DIDO1: variants seen among roughly 807,000 people sequenced by gnomAD.
The protein encoded by DIDO1 is death inducer-obliterator 1, also known as death-inducer obliterator 1.
A neutral mutation model predicts 99.4 loss-of-function variants in DIDO1; 16 were observed. The observed-to-expected ratio is 0.16, with a 90% CI of 0.11 to 0.24. The LOEUF (loss-of-function observed/expected upper bound fraction) is 0.24. Ranked by LOEUF, DIDO1 falls within the 10% of genes least tolerant of loss-of-function variation. The pLI, the probability that DIDO1 is intolerant of heterozygous loss-of-function variation, is 1.00. For synonymous variants in DIDO1, 1,366 were observed against 1,239.1 expected, an observed-to-expected ratio of 1.10 and a Z score of -2.15; for missense variants, 2,996 against 3,014.0, an observed-to-expected ratio of 0.99 and a Z score of 0.14.
intron 3 of DIDO1, among the ~76,000 whole-genome samples, 198 bp downstream of exon 3, chr20:62,910,576 G>T (rs904843959): frequency 1.3e-5 from 2 of 152,234 alleles, no homozygotes; most frequent in African/African-American, 4.8e-5. Context: ...ACAGCCATGT[G>T]TGGCCAGTGG....
In DIDO1 at chr20:62,889,565, C is replaced by G. The variant is rs140863807; in HGVS notation, c.3541+1395G>C. Reference sequence around the variant, plus strand: ...GCAGTGTCTGCACTGAGTGCACACACTGTCGCACTTGCAACTGACCAGTGG... The same window carrying G: ...GCAGTGTCTGCACTGAGTGCACACAGTGTCGCACTTGCAACTGACCAGTGG... On this transcript the variant is annotated intron_variant, in intron 15 of 15. Coordinates refer to ENST00000395343, the MANE Select transcript of DIDO1 (RefSeq NM_001193369.2). 1.0e-3 allele frequency: 1,010 copies of G among 985,466 alleles called. 11 individuals are homozygous for G. In the African/African-American group the frequency reaches 0.014, roughly 14 times the overall value. 61.0% of individuals were successfully genotyped at this position (985,466 alleles called of 1,614,324 possible). A position where few individuals can be genotyped will look rare whatever the true frequency, so the allele number is the denominator to read the frequency against.
intron 6 of DIDO1, among the ~76,000 whole-genome samples, chr20:62,901,828 A>C (rs1287032759): frequency 3.9e-5 from 6 of 152,096 alleles, no homozygotes; most frequent in Non-Finnish European, 7.4e-5. Flanking sequence ...AAAAAAAAAA[A>C]AAAAAACCTA....
intron 6 of DIDO1, among the ~76,000 whole-genome samples, chr20:62,898,788 G>A (rs1300871525): frequency 1.3e-5 from 2 of 152,180 alleles, no homozygotes; most frequent in Non-Finnish European, 1.5e-5. Context: ...CAGGAACAAA[G>A]GTGACAGCTA....
At chr20:62,927,696 G>A (rs902417298), upstream of DIDO1, among the ~76,000 whole-genome samples, 1 of 152,278 alleles carries the variant, frequency 6.6e-6, no homozygotes, top group African/African-American at 2.4e-5. Context: ...TTCCATGGAT[G>A]AACCAGGGGC....
Position 62,911,150 on chromosome 20 carries a change from C to T in DIDO1, c.463G>A (p.Asp155Asn). 1 of 1,614,132 alleles carries T rather than the reference C, an allele frequency of 6.2e-7. No homozygotes were observed. Among genetic ancestry groups the T allele is most frequent in the Non-Finnish European group, 8.5e-7 (1 of 1,180,046 alleles). Residue 155 changes from aspartate to asparagine, a missense_variant, in exon 3 of 16, where the codon GAC (aspartate) becomes AAC (asparagine). Coordinates refer to ENST00000395343, the MANE Select transcript of DIDO1 (RefSeq NM_001193369.2). The surrounding 1 kb of genome is among the most constrained non-coding windows in gnomAD (Gnocchi z 7.0). Reference protein sequence around the residue: ...GDDHDDTSDSDSDGLTLKELQ... With the variant: ...GDDHDDTSDSNSDGLTLKELQ... ...TCTTTCAAGGTCAGGCCATCGCTGT[C>T]ACTATCGGAGGTGTCATCGTGGTCA...
At chr20:62,922,219 T>TATAC (rs1555851815) in intron 1 of DIDO1, among the ~76,000 whole-genome samples, 4 of 90,210 alleles carry the variant, frequency 4.4e-5, no homozygotes, top group Non-Finnish European at 9.1e-5. Flanking sequence ...TACATATATA[T>TATAC]ACACACACAC....
At chr20:62,933,512 T>G (rs1359332444) in intron 1 of DIDO1, among the ~76,000 whole-genome samples, 3 of 152,212 alleles carry the variant, frequency 2.0e-5, no homozygotes, top group Non-Finnish European at 4.4e-5. Flanking sequence ...AAACAAAACA[T>G]CCATGGGAAT....
In DIDO1 at chr20:62,894,572, G is replaced by A. The variant is rs746134421; in HGVS notation, c.2437-24C>T. The A allele has an allele frequency of 1.4e-5, 23 of 1,600,750 alleles. No individual in the cohort carries two copies. Among genetic ancestry groups the A allele is most frequent in the Non-Finnish European group, 2.0e-5 (23 of 1,176,282 alleles). ...TCCTAAAAAAGAAAAAGAAAAAAAA[G>A]TGAGGTCGTTTCTTCTCCAAACTCA... On this transcript the variant is annotated intron_variant, in intron 10 of 15. Transcript: ENST00000395343. The surrounding 1 kb of genome is among the most constrained non-coding windows in gnomAD (Gnocchi z 4.4).
In DIDO1 at chr20:62,892,062, T is replaced by A. The variant is rs1426334446; in HGVS notation, c.3270A>T (p.Thr1090=). 2 of 1,612,282 alleles carry A rather than the reference T, an allele frequency of 1.2e-6. No individual in the cohort carries two copies. Among genetic ancestry groups the A allele is most frequent in the Non-Finnish European group, 1.7e-6 (2 of 1,179,662 alleles). ...GTGCGATCCTCCCACCAATGTGAAT[T>A]GTGTCAGGCAAATCCTAAACAGAAA... is the stretch of plus-strand genomic sequence containing the variant. The part of the protein sequence containing the change: ...FDYLSEDLPD[T]IHIGGRIAPK... The change falls in exon 14 of 16, where the codon ACA becomes ACT. Residue 1090 remains threonine (T), a synonymous_variant. Transcript: ENST00000395343.
intron 1 of DIDO1, among the ~76,000 whole-genome samples, chr20:62,937,267 G>A (rs1246404965): frequency 6.6e-6 from 1 of 152,254 alleles, no homozygotes; most frequent in African/African-American, 2.4e-5. Context: ...ACGGAAACAT[G>A]GGACCCTGCA....
At chr20:62,882,988 G>T (rs3746772) in intron 15 of DIDO1, among the ~76,000 whole-genome samples, 1 of 146,656 alleles carries the variant, frequency 6.8e-6, no homozygotes, top group Admixed American at 6.9e-5. Flanking sequence ...AGTGGCGCGA[G>T]CTCGGCTCAC....
intron 6 of DIDO1, among the ~76,000 whole-genome samples, chr20:62,900,472 GGCC>G (rs2064644003): frequency 1.3e-5 from 2 of 152,198 alleles, no homozygotes. Context: ...GAGAAAATCA[GGCC>G]CCCACTGGAG....
At chr20:62,931,805 G>A (rs2065334697) in intron 1 of DIDO1, among the ~76,000 whole-genome samples, 1 of 151,374 alleles carries the variant, frequency 6.6e-6, no homozygotes. Flanking sequence ...CTACAATTGT[G>A]CAGGCTACAA....
chr20:62,885,276 G>A (rs1306572158), intron 15 of DIDO1, among the ~76,000 whole-genome samples: 4 of 152,122 alleles, frequency 2.6e-5, no homozygotes, highest in Non-Finnish European at 5.9e-5. Flanking sequence ...GGCTTGTGGG[G>A]CCTCGTGTGG....
chr20:62,905,339 GA>G (rs111549722), intron 6 of DIDO1: 23,824 of 1,025,598 alleles, frequency 0.023, 30 homozygotes, highest in East Asian at 0.052. Flanking sequence ...ATCGGACATG[GA>G]AAAAAAAAAA....
rs551107703 is a variant in DIDO1, at chr20:62,884,770, G to A, written c.3542-2356C>T. Among the ~76,000 whole-genome samples, 4 of 152,218 alleles carry A rather than the reference G, an allele frequency of 2.6e-5. No individual in the cohort carries two copies. In the East Asian group the frequency reaches 7.7e-4, roughly 29 times the overall value. ...AAGGCCTCTTCCTTCACAGGCTGCT[G>A]GACAGAGCTGAGATTCCCAGCACCT... On this transcript the variant is annotated intron_variant, in intron 15 of 15. Transcript: ENST00000395343.
In DIDO1 at chr20:62,922,837, C is replaced by T. The variant is rs8115223; in HGVS notation, c.-200+3602G>A. Among the ~76,000 whole-genome samples the T allele has an allele frequency of 5.5e-3, 842 of 152,346 alleles. 5 individuals carry two copies. The highest frequency in any genetic ancestry group is 0.018 in the African/African-American group (765 of 41,576). ...CACAGGGAAGAGAGCGGGTGACATA[C>T]TGTTCTCATGGAGGGCAGGGAGTGC... On this transcript the variant is annotated intron_variant, in intron 1 of 15. Transcript: ENST00000395343.
In DIDO1 at chr20:62,881,729, C is replaced by T. The variant is rs748980038; in HGVS notation, c.4227G>A (p.Glu1409=). The T allele has an allele frequency of 3.1e-6, 5 of 1,613,032 alleles. No homozygotes were observed. The South Asian group carries it at 5.5e-5, about 18-fold the overall frequency. The change falls in exon 16 of 16, where the codon GAG becomes GAA. Residue 1409 remains glutamate, a synonymous_variant. Transcript: ENST00000395343. The surrounding 1 kb of genome is among the most constrained non-coding windows in gnomAD (Gnocchi z 8.3). ...TQLVERGRRH[E]VERAPEAAAA... ...CAGCTGCTTCAGGAGCCCTTTCCAC[C>T]TCGTGGCGCCGCCCTCGCTCCACAA...
chr20:62,906,013 G>A lies in DIDO1; in HGVS notation c.1462C>T (p.Arg488Trp), dbSNP rs201872180. Residue 488 changes from arginine to tryptophan, a missense_variant, in exon 6 of 16, where the codon CGG becomes TGG. Physicochemically the swap from Arg to Trp is moderately radical, Grantham distance 101. Coordinates refer to ENST00000395343, the MANE Select transcript of DIDO1 (RefSeq NM_001193369.2). ...TVKKAVVVPA[R>W]SEALGKEAAC... ...GCTTCCTTCCCGAGTGCTTCACTCC[G>A]CGCAGGGACCACCACTGCCTTCTTC... The A allele has an allele frequency of 1.2e-4, 197 of 1,613,846 alleles. 1 individual carries two copies. Among genetic ancestry groups the A allele is most frequent in the Middle Eastern group, 4.9e-4 (3 of 6,084 alleles).
Sources: gnomAD v4.1 joint callset for allele counts (sites outside exome capture counted in the v4.1 genomes callset) on GRCh38, gnomAD v4.1.1 for gene constraint, Gnocchi (gnomAD v3.1) non-coding constraint, MANE v1.5 for transcripts, NCBI Gene and HGNC (gene_info 2026-07-23, HGNC 2026-07-21) for gene names.